DMD: variants seen among roughly 807,000 people sequenced by gnomAD.
DMD encodes the protein dystrophin.
Under a neutral mutation model 330.1 loss-of-function variants are expected in DMD, and 63 were observed. The observed-to-expected ratio is 0.19, with a 90% CI of 0.16 to 0.24. DMD has a LOEUF of 0.24. Ranked by LOEUF, DMD falls within the 10% of genes least tolerant of loss-of-function variation. DMD has a pLI of 1.00. For synonymous variants in DMD, 1,223 were observed against 959.8 expected, an observed-to-expected ratio of 1.27 and a Z score of -5.07; for missense variants, 3,344 against 2,684.1, an observed-to-expected ratio of 1.25 and a Z score of -5.43.
At chrX:32,594,371 G>T (rs186235626) in intron 13 of DMD, among the ~76,000 whole-genome samples, 8 of 111,304 alleles carry the variant, frequency 7.2e-5, no homozygotes, top group Admixed American at 4.8e-4. Context: ...GGGATGCCAG[G>T]GCGAAGGAAG....
intron 13 of DMD, among the ~76,000 whole-genome samples, chrX:32,594,527 T>A (rs1222664261): frequency 9.0e-6 from 1 of 111,551 alleles, no homozygotes; most frequent in Non-Finnish European, 1.9e-5. Context: ...AATACCTGTT[T>A]CTCTTTCCTG....
intron 51 of DMD, among the ~76,000 whole-genome samples, chrX:31,742,209 G>A (rs1189952518): frequency 1.8e-5 from 2 of 112,054 alleles, no homozygotes; most frequent in Non-Finnish European, 3.8e-5. Flanking sequence ...AAATAAGGCC[G>A]TTCCACTTTC....
chrX:33,126,097 CT>C (rs1289620947), intron 1 of DMD, among the ~76,000 whole-genome samples: 1 of 109,936 alleles, frequency 9.1e-6, no homozygotes. Flanking sequence ...CAATTGTTTA[CT>C]TTTGTCAACA....
chrX:32,492,210 C>T (rs1358996674), intron 19 of DMD, among the ~76,000 whole-genome samples: 17 of 111,043 alleles, frequency 1.5e-4, no homozygotes, highest in Non-Finnish European at 3.2e-4. Context: ...TGGTGGCGGG[C>T]GCCTGGGGTT....
chrX:33,002,696 C>A (rs761510367), intron 2 of DMD, among the ~76,000 whole-genome samples: 128 of 109,170 alleles, frequency 1.2e-3, no homozygotes, highest in Non-Finnish European at 2.1e-3. Flanking sequence ...GGGAGGTTTG[C>A]AAAGGGAGTA....
At chrX:31,255,769 C>CTTTTTTT (rs146884145) in intron 63 of DMD, among the ~76,000 whole-genome samples, 3 of 50,818 alleles carry the variant, frequency 5.9e-5, no homozygotes, top group Non-Finnish European at 3.3e-5. Context: ...AATATCGTTA[C>CTTTTTTT]TTTTTTTTTT....
chrX:31,372,315 G>A (rs2059635504), intron 60 of DMD, among the ~76,000 whole-genome samples: 1 of 112,189 alleles, frequency 8.9e-6, no homozygotes. Context: ...GAAAGCTGCT[G>A]CAATGATACA....
intron 43 of DMD, among the ~76,000 whole-genome samples, chrX:32,283,536 A>G (rs769644940): frequency 1.3e-4 from 15 of 111,575 alleles, no homozygotes; most frequent in Non-Finnish European, 2.6e-4. Context: ...AGAATCTACC[A>G]TTGTATGGGA....
At chrX:32,459,882 T>C (rs1443086001) in intron 25 of DMD, among the ~76,000 whole-genome samples, 2 of 111,402 alleles carry the variant, frequency 1.8e-5, no homozygotes, top group African/African-American at 3.2e-5. Flanking sequence ...ATACTAATCC[T>C]CTGTTGGATG....
At chrX:32,323,433 A>G (rs763838062) in intron 41 of DMD, among the ~76,000 whole-genome samples, 4 of 111,924 alleles carry the variant, frequency 3.6e-5, no homozygotes, top group Non-Finnish European at 7.5e-5. Context: ...ATGAAGTGAT[A>G]GTGTAATTTA....
intron 18 of DMD, among the ~76,000 whole-genome samples, chrX:32,514,689 C>T (rs1329333866): frequency 2.7e-5 from 3 of 112,307 alleles, no homozygotes; most frequent in African/African-American, 6.5e-5. Context: ...TGCAGTGAGC[C>T]GAGATCGCGC....
At chrX:31,296,681 T>C (rs1427155852) in intron 62 of DMD, among the ~76,000 whole-genome samples, 1 of 112,084 alleles carries the variant, frequency 8.9e-6, no homozygotes, top group African/African-American at 3.2e-5. Context: ...TGGGAACAAA[T>C]AACATGGTTC....
At chrX:32,575,776 A>C (rs2052976189) in intron 13 of DMD, among the ~76,000 whole-genome samples, 1 of 111,990 alleles carries the variant, frequency 8.9e-6, no homozygotes, top group Non-Finnish European at 1.9e-5. Context: ...AGATCTACAA[A>C]GTCAAAATGT....
At chrX:32,708,449 A>C (rs951210188) in intron 7 of DMD, among the ~76,000 whole-genome samples, 2 of 111,668 alleles carry the variant, frequency 1.8e-5, no homozygotes, top group African/African-American at 3.3e-5. Context: ...TTTATCTATA[A>C]AATGAGTCAT....
intron 44 of DMD, among the ~76,000 whole-genome samples, chrX:32,205,716 G>A (rs746075889): frequency 3.6e-5 from 4 of 111,891 alleles, no homozygotes; most frequent in Non-Finnish European, 7.5e-5. Flanking sequence ...CTGAATAAAT[G>A]TGTTGATGTT....
At chrX:31,271,822 G>T (rs1211790867) in intron 62 of DMD, among the ~76,000 whole-genome samples, 1 of 111,368 alleles carries the variant, frequency 9.0e-6, no homozygotes. Context: ...TAACAAATGG[G>T]TTGGTGTATG....
At chrX:31,588,917 C>T (rs1410474342) in intron 55 of DMD, among the ~76,000 whole-genome samples, 1 of 103,669 alleles carries the variant, frequency 9.6e-6, no homozygotes, top group African/African-American at 3.6e-5. Context: ...ACCTCTTTCC[C>T]CCACTTATAC....
chrX:32,875,801 T>C (rs764475499), intron 2 of DMD, among the ~76,000 whole-genome samples: 10 of 112,075 alleles, frequency 8.9e-5, no homozygotes, highest in Admixed American at 5.7e-4. Flanking sequence ...CTTTACAGTT[T>C]CCTGTGACTT....
intron 38 of DMD, 54 bp downstream of exon 38, chrX:32,348,352 C>T: frequency 8.7e-7 from 1 of 1,152,515 alleles, no homozygotes; most frequent in Non-Finnish European, 1.2e-6. Flanking sequence ...AAGTTCTTTC[C>T]AAATATTTAT....
Sources: gnomAD v4.1 joint callset for allele counts (sites outside exome capture counted in the v4.1 genomes callset) on GRCh38, gnomAD v4.1.1 for gene constraint, MANE v1.5 for transcripts, NCBI Gene and HGNC (gene_info 2026-07-23, HGNC 2026-07-21) for gene names.